The following ADAM19 variants were observed in gnomAD, a reference collection of about 807,000 sequenced individuals.
ADAM19 encodes ADAM metallopeptidase domain 19.
In ADAM19, 65 loss-of-function variants were observed where a neutral mutation model predicts 114.7. The ratio of observed to expected loss-of-function variants is 0.57; its 90% CI spans 0.46 to 0.70. The LOEUF (loss-of-function observed/expected upper bound fraction) is 0.70, where lower values mean the gene tolerates loss of function less well. Ranked by LOEUF, ADAM19 falls within the 30% of genes least tolerant of loss-of-function variation. ADAM19 has a pLI of 0.00. For missense variants in ADAM19, 1,063 were observed against 1,204.7 expected (o/e 0.88, Z 1.74); for synonymous variants, 466 against 460.5 (o/e 1.01, Z -0.15).
At chr5:157,507,835 GA>G (rs531621977) in intron 9 of ADAM19, among the ~76,000 whole-genome samples, 42 of 147,754 alleles carry the variant, frequency 2.8e-4, no homozygotes, top group African/African-American at 8.4e-4. Flanking sequence ...TAGAGGAGAA[GA>G]AAAAAAAAAC....
At chr5:157,497,706 C>T (rs547419169) in intron 13 of ADAM19, among the ~76,000 whole-genome samples, 1 of 152,280 alleles carries the variant, frequency 6.6e-6, no homozygotes, top group South Asian at 2.1e-4. Context: ...ACACGTATCT[C>T]GTGGGATCCT....
chr5:157,545,323 C>T (rs1757018928), intron 3 of ADAM19, among the ~76,000 whole-genome samples: 1 of 152,176 alleles, frequency 6.6e-6, no homozygotes, highest in Non-Finnish European at 1.5e-5. Context: ...ACTCCCCTCT[C>T]GTTGCATTGC....
Position 157,489,331 on chromosome 5 carries a change from G to A in ADAM19, c.2241-145C>T, listed in dbSNP as rs374815158. The A allele has an allele frequency of 2.7e-4, 177 of 646,816 alleles. 1 individual carries two copies. Among genetic ancestry groups the A allele is most frequent in the African/African-American group, 1.9e-3 (104 of 54,836 alleles). 40.1% of individuals were successfully genotyped at this position (646,816 alleles called of 1,614,324 possible). ...TGGAGGGAGTGGGATTGGTCTTCTC[G>A]AACCACATCTTCCTAAGTAGAAAAA... On this transcript the variant is annotated intron_variant, in intron 19 of 22. Coordinates refer to ENST00000257527, the MANE Select transcript of ADAM19 (RefSeq NM_033274.5).
intron 3 of ADAM19, among the ~76,000 whole-genome samples, chr5:157,558,434 C>A (rs1210843889): frequency 6.6e-6 from 1 of 152,176 alleles, no homozygotes; most frequent in Non-Finnish European, 1.5e-5. Context: ...CCTTTAATTT[C>A]TTGAGCCATG....
chr5:157,509,287 A>C lies in ADAM19; in HGVS notation c.905+14T>G, dbSNP rs1257712077. 1 of 1,600,230 alleles carries C rather than the reference A, an allele frequency of 6.2e-7. No homozygotes were observed. The highest frequency in any genetic ancestry group is 8.5e-7 in the Non-Finnish European group (1 of 1,170,796). ...AGCCAAGGACAACACAACATATGGA[A>C]AAAGGCTATTTACGTGATTAATTGG... On this transcript the variant is annotated intron_variant, in intron 9 of 22. Coordinates refer to ENST00000257527, the MANE Select transcript of ADAM19 (RefSeq NM_033274.5).
chr5:157,557,506 T>C (rs748422863), intron 3 of ADAM19, among the ~76,000 whole-genome samples: 14 of 152,230 alleles, frequency 9.2e-5, no homozygotes, highest in Non-Finnish European at 2.1e-4. Context: ...GCTTAAGCAA[T>C]GGACCCTAAG....
chr5:157,572,181 G>A (rs1308908926), intron 1 of ADAM19: 6 of 405,276 alleles, frequency 1.5e-5, no homozygotes. Flanking sequence ...CGCCTTCCGG[G>A]TTCATGCCAT....
intron 1 of ADAM19, among the ~76,000 whole-genome samples, chr5:157,572,537 A>G (rs1026707526): frequency 1.3e-5 from 2 of 152,222 alleles, no homozygotes; most frequent in Admixed American, 1.3e-4. Context: ...AGTGGTGATT[A>G]TGAGTAATTA....
In ADAM19 at chr5:157,518,825, C is replaced by G. The variant is rs201661633; in HGVS notation, c.664G>C (p.Glu222Gln). 2.5e-4 allele frequency: 410 copies of G among 1,613,660 alleles called. No homozygotes were observed. Among genetic ancestry groups the G allele is most frequent in the Non-Finnish European group, 2.9e-4 (344 of 1,179,514 alleles). Reference protein sequence around the residue: ...VELYLVADYLEFQKNRRDQDA... With the variant: ...VELYLVADYLQFQKNRRDQDA... ...AAGACCCATTGCCTCCCCCTTACCTCTAAATAATCAGCCACGAGGTAAAGC... is the reference window on the plus strand; with the variant it reads ...AAGACCCATTGCCTCCCCCTTACCTGTAAATAATCAGCCACGAGGTAAAGC... Residue 222 changes from glutamate (E) to glutamine (Q), a missense_variant and splice_region_variant, in exon 7 of 23, where the codon GAG (glutamate) becomes CAG (glutamine). Physicochemically the swap from Glu to Gln is conservative, Grantham distance 29. Around this residue, in one of 3 missense-constraint regions of ADAM19, gnomAD observed 615 missense variants for 706.3 expected, o/e 0.87. Coordinates refer to ENST00000257527, the MANE Select transcript of ADAM19 (RefSeq NM_033274.5).
At chr5:157,520,732 T>C (rs939040098) in intron 5 of ADAM19, among the ~76,000 whole-genome samples, 18 of 152,222 alleles carry the variant, frequency 1.2e-4, no homozygotes, top group African/African-American at 4.3e-4. Context: ...ACACGCCTAC[T>C]TGTCCCACCT....
At chr5:157,490,282 C>G in intron 19 of ADAM19, 28 bp downstream of exon 19, 1 of 1,612,804 alleles carries the variant, frequency 6.2e-7, no homozygotes, top group Non-Finnish European at 8.5e-7. Flanking sequence ...TAAATTGACC[C>G]TGAGTCCTCC....
Position 157,512,503 on chromosome 5 carries a change from CA to C in ADAM19, c.738+930del, listed in dbSNP as rs556097115. ...TCAAAGAGACTTTTGATCCCAAACA[CA>C]TGAAAAACTACTTTTAAAAACTATA... On this transcript the variant is annotated intron_variant, in intron 8 of 22. Transcript: ENST00000257527. Among the ~76,000 whole-genome samples, 538 of 152,276 alleles carry C rather than the reference CA, an allele frequency of 3.5e-3. 5 individuals carry two copies. The highest frequency in any genetic ancestry group is 6.8e-3 in the Non-Finnish European group (462 of 68,020).
chr5:157,481,786 C>G lies in ADAM19; in HGVS notation c.2703+5G>C. 6.4e-7 allele frequency: 1 copy of G among 1,568,578 alleles called. No individual in the cohort carries two copies. The highest frequency in any genetic ancestry group is 8.7e-7 in the Non-Finnish European group (1 of 1,155,382). On this transcript the variant is annotated splice_donor_5th_base_variant and intron_variant, in intron 22 of 22. Transcript: ENST00000257527. ...TTTCACCTTGAGGGCTTCCCGTGGACTCACCTTTGGGGCAAGTGCTGCCAG... is the reference window on the plus strand; with the variant it reads ...TTTCACCTTGAGGGCTTCCCGTGGAGTCACCTTTGGGGCAAGTGCTGCCAG...
chr5:157,493,906 T>C lies in ADAM19; in HGVS notation c.1704-729A>G, dbSNP rs76206850. 1.2e-3 allele frequency among the ~76,000 whole-genome samples: 188 copies of C among 152,352 alleles called. 1 individual carries two copies. Among genetic ancestry groups the C allele is most frequent in the African/African-American group, 4.4e-3 (183 of 41,578 alleles). ...ATTCATCTCTCTTCCTGGATTACTCTCCTATGCACCAGCACCACCTTCCAC... is the reference window on the plus strand; with the variant it reads ...ATTCATCTCTCTTCCTGGATTACTCCCCTATGCACCAGCACCACCTTCCAC... On this transcript the variant is annotated intron_variant, in intron 15 of 22. Transcript: ENST00000257527.
intron 3 of ADAM19, among the ~76,000 whole-genome samples, chr5:157,540,318 C>T (rs1756883399): frequency 6.6e-6 from 1 of 152,198 alleles, no homozygotes; most frequent in East Asian, 1.9e-4. Context: ...CCTGGGTTTG[C>T]TTTCACAGAC....
chr5:157,545,813 T>G (rs1055681934), intron 3 of ADAM19, among the ~76,000 whole-genome samples: 1 of 152,228 alleles, frequency 6.6e-6, no homozygotes, highest in African/African-American at 2.4e-5. Flanking sequence ...AGAGAAAGGC[T>G]CTTCATGCAA....
At chr5:157,523,936 A>G (rs1756381123) in intron 5 of ADAM19, among the ~76,000 whole-genome samples, 1 of 152,160 alleles carries the variant, frequency 6.6e-6, no homozygotes, top group Non-Finnish European at 1.5e-5. Context: ...AGAGGCTCAG[A>G]AGGACCCTGA....
chr5:157,510,272 C>T (rs1446701727), intron 8 of ADAM19, among the ~76,000 whole-genome samples: 3 of 152,178 alleles, frequency 2.0e-5, no homozygotes, highest in Admixed American at 6.5e-5. Flanking sequence ...GTCGGGAGTT[C>T]GAGACCAGCC....
intron 1 of ADAM19, chr5:157,572,303 G>C (rs1196318699): frequency 2.2e-6 from 1 of 456,004 alleles, no homozygotes; most frequent in Non-Finnish European, 4.4e-6. Flanking sequence ...TTGCAAGAAA[G>C]AGAATTTAAA....
Sources: gnomAD v4.1 joint callset for allele counts (sites outside exome capture counted in the v4.1 genomes callset) on GRCh38, gnomAD v4.1.1 for gene constraint, gnomAD v4.1.1 regional missense constraint, MANE v1.5 for transcripts, NCBI Gene and HGNC (gene_info 2026-07-23, HGNC 2026-07-21) for gene names.